PDE8B: variants seen among roughly 807,000 people sequenced by gnomAD.
PDE8B encodes the protein phosphodiesterase 8B, also known as high affinity cAMP-specific and IBMX-insensitive 3',5'-cyclic phosphodiesterase 8B.
In PDE8B, 26 loss-of-function variants were observed where a neutral mutation model predicts 101.3. That is an observed-to-expected ratio of 0.26 (90% CI 0.19 to 0.36). The LOEUF (loss-of-function observed/expected upper bound fraction) is 0.36, where lower values mean the gene tolerates loss of function less well. Among genes scored for constraint, PDE8B ranks in the 10% least tolerant of loss-of-function variants. The probability of loss-of-function intolerance (pLI) is 1.00; values close to 1 mark genes in which losing one functional copy is unlikely to be tolerated. For synonymous variants in PDE8B, 424 were observed against 429.3 expected, an observed-to-expected ratio of 0.99 and a Z score of 0.15; for missense variants, 810 against 1,163.1, an observed-to-expected ratio of 0.70 and a Z score of 4.42.
At chr5:77,197,281 TA>T in the PDE8B span, among the ~76,000 whole-genome samples, 1 of 121,456 alleles carries the variant, frequency 8.2e-6, no homozygotes, top group Admixed American at 7.6e-5. Context: ...CTGGCTAATT[TA>T]AATTTTTTTT....
At chr5:77,283,596 G>A (rs376516567) in intron 1 of PDE8B, among the ~76,000 whole-genome samples, 64 of 152,146 alleles carry the variant, frequency 4.2e-4, no homozygotes, top group African/African-American at 1.3e-3. Flanking sequence ...TGGCCTTTTC[G>A]GATTGACTTG....
At chr5:77,307,458 A>AG (rs1771495423) in intron 1 of PDE8B, among the ~76,000 whole-genome samples, 1 of 152,222 alleles carries the variant, frequency 6.6e-6, no homozygotes, top group African/African-American at 2.4e-5. Flanking sequence ...AGATCAACAA[A>AG]GACTGAGTGA....
chr5:77,386,718 G>A (rs1788715134), intron 10 of PDE8B, among the ~76,000 whole-genome samples: 1 of 151,956 alleles, frequency 6.6e-6, no homozygotes, highest in Non-Finnish European at 1.5e-5. Context: ...GATGGGTCTT[G>A]ACTCTTCATC....
chr5:77,310,391 G>A (rs561078538), intron 1 of PDE8B, among the ~76,000 whole-genome samples: 1 of 152,348 alleles, frequency 6.6e-6, no homozygotes, highest in South Asian at 2.1e-4. Context: ...TCTGGTGCTG[G>A]TCCTCTCCCA....
At chr5:77,298,890 T>G (rs1319846701) in intron 1 of PDE8B, among the ~76,000 whole-genome samples, 2 of 152,232 alleles carry the variant, frequency 1.3e-5, no homozygotes, top group Admixed American at 6.5e-5. Context: ...AAGCATTAGA[T>G]TTTTGTGAAA....
chr5:77,371,433 G>GT (rs1212389190), intron 10 of PDE8B, among the ~76,000 whole-genome samples: 1 of 152,122 alleles, frequency 6.6e-6, no homozygotes, highest in Non-Finnish European at 1.5e-5. Context: ...ATATTGATCT[G>GT]TTTCTGGACT....
At chr5:77,413,340 T>G in intron 17 of PDE8B, 31 bp downstream of exon 17, 1 of 1,569,234 alleles carries the variant, frequency 6.4e-7, no homozygotes, top group Non-Finnish European at 8.8e-7. Flanking sequence ...CCTAGTTACC[T>G]GCCTGGATTG....
At chr5:77,166,036 G>T in the PDE8B span, among the ~76,000 whole-genome samples, 2 of 148,860 alleles carry the variant, frequency 1.3e-5, no homozygotes, top group Non-Finnish European at 3.0e-5. Context: ...GATTATATCA[G>T]AACAGACAAA....
chr5:77,222,966 C>T (rs1751504082), intron 1 of PDE8B, among the ~76,000 whole-genome samples: 1 of 152,158 alleles, frequency 6.6e-6, no homozygotes, highest in African/African-American at 2.4e-5. Flanking sequence ...TGAGAATACT[C>T]TTGGGTGTTA....
intron 10 of PDE8B, among the ~76,000 whole-genome samples, chr5:77,355,775 A>G (rs988007314): frequency 6.6e-6 from 1 of 152,234 alleles, no homozygotes; most frequent in Non-Finnish European, 1.5e-5. Flanking sequence ...TAAACAGAAT[A>G]AATAGAATGC....
the PDE8B span, among the ~76,000 whole-genome samples, chr5:77,195,163 TCTTA>T: frequency 2.0e-5 from 3 of 152,188 alleles, no homozygotes; most frequent in Non-Finnish European, 4.4e-5. Flanking sequence ...TTGAGGGCCT[TCTTA>T]CTATATACTC....
the PDE8B span, among the ~76,000 whole-genome samples, chr5:77,204,277 G>A: frequency 1.3e-5 from 2 of 151,768 alleles, no homozygotes; most frequent in Non-Finnish European, 2.9e-5. Flanking sequence ...CAGGTGTGGT[G>A]GCATGCACCT....
intron 1 of PDE8B, among the ~76,000 whole-genome samples, chr5:77,263,771 A>T (rs904087223): frequency 6.6e-6 from 1 of 152,158 alleles, no homozygotes; most frequent in Non-Finnish European, 1.5e-5. Context: ...ATTTATTTTT[A>T]TAGCAAGTTT....
At chr5:77,202,849 C>T in the PDE8B span, among the ~76,000 whole-genome samples, 6 of 152,304 alleles carry the variant, frequency 3.9e-5, no homozygotes, top group Middle Eastern at 3.4e-3. Flanking sequence ...ATCCGCCCAC[C>T]TTGGGCTTCC....
intron 10 of PDE8B, among the ~76,000 whole-genome samples, chr5:77,380,134 T>C (rs2150783121): frequency 6.6e-6 from 1 of 152,310 alleles, no homozygotes; most frequent in African/African-American, 2.4e-5. Flanking sequence ...GAATGGAGGA[T>C]GAGACAAAAA....
At chr5:77,290,191 G>A (rs751303411) in intron 1 of PDE8B, 95 of 1,517,014 alleles carry the variant, frequency 6.3e-5, no homozygotes, top group Middle Eastern at 1.7e-4. Context: ...TTGATGTGGC[G>A]CCTGCCTCGC....
At chr5:77,223,859 C>T (rs148013281) in intron 1 of PDE8B, among the ~76,000 whole-genome samples, 2 of 152,212 alleles carry the variant, frequency 1.3e-5, no homozygotes, top group Non-Finnish European at 2.9e-5. Flanking sequence ...ATGCCAGCCC[C>T]CTCCGCTGAT....
intron 3 of PDE8B, among the ~76,000 whole-genome samples, chr5:77,327,624 C>T (rs927874091): frequency 1.3e-5 from 2 of 152,152 alleles, no homozygotes; most frequent in Non-Finnish European, 2.9e-5. Flanking sequence ...CTGGTATTTC[C>T]ACTGAGTATC....
intron 10 of PDE8B, among the ~76,000 whole-genome samples, chr5:77,369,238 A>C (rs948306821): frequency 6.6e-6 from 1 of 151,212 alleles, no homozygotes; most frequent in Non-Finnish European, 1.5e-5. Context: ...AGAGATAGAC[A>C]TAAGAGATGT....
Sources: allele counts gnomAD v4.1 joint callset (sites outside exome capture counted in the v4.1 genomes callset), GRCh38; gene constraint gnomAD v4.1.1; transcripts MANE v1.5; gene names NCBI Gene and HGNC (gene_info 2026-07-23, HGNC 2026-07-21).